NPAS3: variants seen among roughly 807,000 people sequenced by gnomAD.
NPAS3 encodes neuronal PAS domain-containing protein 3.
Under a neutral mutation model 73.1 loss-of-function variants are expected in NPAS3, and 14 were observed. The observed-to-expected ratio is 0.19, with a 90% CI of 0.13 to 0.30. The LOEUF (loss-of-function observed/expected upper bound fraction) is 0.30, where lower values mean the gene tolerates loss of function less well. Among genes scored for constraint, NPAS3 ranks in the 10% least tolerant of loss-of-function variants. The pLI is 1.00. For missense variants in NPAS3, 1,096 were observed against 1,250.0 expected (o/e 0.88, Z 1.86); for synonymous variants, 620 against 541.5 (o/e 1.14, Z -2.01).
At chr14:33,231,027 T>A (rs1205389610) in intron 3 of NPAS3, among the ~76,000 whole-genome samples, 1 of 152,198 alleles carries the variant, frequency 6.6e-6, no homozygotes, top group Non-Finnish European at 1.5e-5. Flanking sequence ...ACCTGCTAGA[T>A]CATACTTCAT....
At chr14:33,639,383 T>G (rs1014467385) in intron 5 of NPAS3, among the ~76,000 whole-genome samples, 3 of 151,984 alleles carry the variant, frequency 2.0e-5, no homozygotes, top group Non-Finnish European at 4.4e-5. Flanking sequence ...TAAAAAAAAA[T>G]TGTCTAGATA....
chr14:33,095,358 C>T (rs1032331103), intron 2 of NPAS3, among the ~76,000 whole-genome samples: 4 of 152,122 alleles, frequency 2.6e-5, no homozygotes, highest in Admixed American at 2.6e-4. Context: ...CAGAGGTTCT[C>T]GCAAAGACAA....
At chr14:33,401,320 A>T (rs547854973) in intron 4 of NPAS3, among the ~76,000 whole-genome samples, 1 of 152,266 alleles carries the variant, frequency 6.6e-6, no homozygotes, top group East Asian at 1.9e-4. Context: ...ATCACGTTTC[A>T]ATCACAGATC....
intron 4 of NPAS3, among the ~76,000 whole-genome samples, chr14:33,477,206 A>T (rs1041658092): frequency 2.6e-5 from 4 of 152,074 alleles, no homozygotes; most frequent in African/African-American, 9.7e-5. Context: ...TCTTTTGGTG[A>T]TGGGGGTAGG....
intron 5 of NPAS3, among the ~76,000 whole-genome samples, chr14:33,616,777 C>T (rs1292742951): frequency 6.6e-6 from 1 of 152,118 alleles, no homozygotes; most frequent in East Asian, 1.9e-4. Flanking sequence ...CTCTAATAAG[C>T]GAATTAATCT....
At chr14:33,579,587 T>C (rs959266590) in intron 5 of NPAS3, among the ~76,000 whole-genome samples, 2 of 152,202 alleles carry the variant, frequency 1.3e-5, no homozygotes, top group African/African-American at 4.8e-5. Flanking sequence ...GTGCTATTAG[T>C]AACGATAGAA....
Position 33,800,752 on chromosome 14 carries a change from C to T in NPAS3, c.2445C>T (p.Ala815=). The T allele has an allele frequency of 6.4e-7, 1 of 1,565,068 alleles. No homozygotes were observed. The highest frequency in any genetic ancestry group is 1.2e-5 in the South Asian group (1 of 85,430). ...ACAGGGTGACCGGGACCCTGGCCGCCACCAGCACGGCCGCGCAGAGGGTCT... is the reference window on the plus strand; with the variant it reads ...ACAGGGTGACCGGGACCCTGGCCGCTACCAGCACGGCCGCGCAGAGGGTCT... The change falls in exon 12 of 12, where the codon GCC becomes GCT. Residue 815 remains alanine, a synonymous_variant. Transcript: ENST00000356141. The surrounding 1 kb of genome is among the most constrained non-coding windows in gnomAD (Gnocchi z 6.5).
intron 10 of NPAS3, among the ~76,000 whole-genome samples, chr14:33,796,055 G>A (rs1463179554): frequency 6.6e-6 from 1 of 152,172 alleles, no homozygotes. Flanking sequence ...CACCAAGACA[G>A]CCATTTACTG....
intron 5 of NPAS3, among the ~76,000 whole-genome samples, chr14:33,675,825 A>G (rs1272979412): frequency 6.6e-6 from 1 of 152,208 alleles, no homozygotes; most frequent in South Asian, 2.1e-4. Flanking sequence ...CCAAAACCCA[A>G]ACTTCTCAAT....
chr14:32,976,334 G>T (rs568451108), intron 1 of NPAS3, among the ~76,000 whole-genome samples: 1 of 152,178 alleles, frequency 6.6e-6, no homozygotes, highest in East Asian at 1.9e-4. Flanking sequence ...TACTCCAGGT[G>T]GTTTGTAGGG....
intron 4 of NPAS3, among the ~76,000 whole-genome samples, chr14:33,464,512 C>T (rs1159487266): frequency 6.6e-6 from 1 of 152,172 alleles, no homozygotes; most frequent in African/African-American, 2.4e-5. Context: ...GAAGCCACTG[C>T]TTCTCTATGA....
intron 4 of NPAS3, among the ~76,000 whole-genome samples, chr14:33,550,407 T>A (rs1292199944): frequency 6.6e-6 from 1 of 152,232 alleles, no homozygotes; most frequent in Non-Finnish European, 1.5e-5. Context: ...AGAGCGTCAC[T>A]GATGAAGATT....
At chr14:33,749,942 C>T (rs1431041666) in intron 7 of NPAS3, among the ~76,000 whole-genome samples, 1 of 152,136 alleles carries the variant, frequency 6.6e-6, no homozygotes, top group African/African-American at 2.4e-5. Context: ...GTCACAAGAG[C>T]CCAGGAAACA....
At chr14:33,432,029 ATT>A (rs1206737371) in intron 4 of NPAS3, among the ~76,000 whole-genome samples, 5 of 152,184 alleles carry the variant, frequency 3.3e-5, no homozygotes, top group African/African-American at 1.2e-4. Context: ...ATACATAGTT[ATT>A]TCTTAAAAAC....
chr14:33,341,533 G>A (rs887142092), intron 3 of NPAS3, among the ~76,000 whole-genome samples: 2 of 152,074 alleles, frequency 1.3e-5, no homozygotes, highest in African/African-American at 2.4e-5. Flanking sequence ...GAGAGGGAGA[G>A]GGAGAGGGAA....
chr14:32,998,817 C>T (rs1243238977), intron 1 of NPAS3, among the ~76,000 whole-genome samples: 1 of 152,172 alleles, frequency 6.6e-6, no homozygotes, highest in Non-Finnish European at 1.5e-5. Context: ...GTGCTGGCTC[C>T]TCTATGAAGT....
intron 3 of NPAS3, among the ~76,000 whole-genome samples, chr14:33,272,655 G>C (rs189379864): frequency 1.3e-5 from 2 of 152,204 alleles, no homozygotes; most frequent in African/African-American, 4.8e-5. Flanking sequence ...GATCTCAAGT[G>C]ATCCTCCTGC....
chr14:33,654,718 C>T (rs1391218789), intron 5 of NPAS3, among the ~76,000 whole-genome samples: 1 of 152,102 alleles, frequency 6.6e-6, no homozygotes, highest in Non-Finnish European at 1.5e-5. Flanking sequence ...ATATTTATAT[C>T]CCAAGTGATT....
intron 1 of NPAS3, among the ~76,000 whole-genome samples, chr14:32,974,273 G>T (rs555269305): frequency 1.3e-5 from 2 of 152,342 alleles, no homozygotes; most frequent in East Asian, 3.9e-4. Context: ...GAGGAAGGAA[G>T]ATGAATGAAA....
Sources: allele counts gnomAD v4.1 joint callset (sites outside exome capture counted in the v4.1 genomes callset), GRCh38; gene constraint gnomAD v4.1.1; non-coding constraint Gnocchi (gnomAD v3.1); transcripts MANE v1.5; gene names NCBI Gene and HGNC (gene_info 2026-07-23, HGNC 2026-07-21).